The following CEP120 variants were observed in gnomAD, a reference collection of about 807,000 sequenced individuals.
CEP120 encodes the protein centrosomal protein 120.
CEP120 carries 113 observed loss-of-function variants against 126.5 expected under a neutral mutation model. That is an observed-to-expected ratio of 0.89 (90% CI 0.77 to 1.04). The LOEUF is 1.04. Ranked by LOEUF, CEP120 falls within the 50% of genes least tolerant of loss-of-function variation. CEP120 has a pLI of 0.00. For missense variants in CEP120, 1,230 were observed against 1,155.7 expected (o/e 1.06, Z -0.93); for synonymous variants, 400 against 394.3 (o/e 1.01, Z -0.17).
chr5:123,401,817 T>C (rs1174207572), intron 4 of CEP120: 32 of 1,406,694 alleles, frequency 2.3e-5, no homozygotes, highest in African/African-American at 2.8e-5. Context: ...ATACTTGTTC[T>C]TGAAGTCCTC....
At position 123,345,351 on chromosome 5, in the gene CEP120, A is replaced by C. The variant is rs896617567; in HGVS notation, c.*1168T>G. The C allele has an allele frequency of 6.6e-6, 1 of 152,156 alleles. No homozygotes were observed. The highest frequency in any genetic ancestry group is 2.4e-5 in the African/African-American group (1 of 41,460). 9.4% of individuals were successfully genotyped at this position (152,156 alleles called of 1,614,324 possible). On this transcript the variant is annotated 3_prime_UTR_variant, in exon 20 of 20. Coordinates refer to ENST00000306467, the MANE Select transcript of CEP120 (RefSeq NM_001375405.1). ...ACCTCATTTGAAATGACCGAAAATT[A>C]ATGTTACCATATATCCTACTCTGCT...
intron 17 of CEP120, 94 bp from the exon 18 acceptor site, chr5:123,364,688 G>C (rs773630303): frequency 1.3e-4 from 78 of 583,622 alleles, no homozygotes; most frequent in Non-Finnish European, 2.0e-4. Flanking sequence ...CTTAAGAAAA[G>C]AGTTTATACA....
intron 18 of CEP120, 106 bp from the exon 19 acceptor site, chr5:123,350,195 G>T: frequency 2.2e-6 from 2 of 925,972 alleles, no homozygotes; most frequent in Non-Finnish European, 3.1e-6. Flanking sequence ...CCATGATATA[G>T]CCACACACTG....
At chr5:123,365,571 TG>T (rs1770395920) in intron 17 of CEP120, among the ~76,000 whole-genome samples, 1 of 151,726 alleles carries the variant, frequency 6.6e-6, no homozygotes, top group African/African-American at 2.4e-5. Context: ...CAGTAATATA[TG>T]ACTACATGGA....
At chr5:123,401,471 C>T (rs1338584889) in intron 4 of CEP120, 1 of 1,275,232 alleles carries the variant, frequency 7.8e-7, no homozygotes, top group Non-Finnish European at 1.1e-6. Flanking sequence ...CCCAGCCAGA[C>T]TCTGCAGCTC....
At chr5:123,402,428 GT>G in intron 4 of CEP120, 2 of 1,117,246 alleles carry the variant, frequency 1.8e-6, no homozygotes, top group Non-Finnish European at 2.4e-6. Flanking sequence ...TCTGTTTTTT[GT>G]TTTTTATTGA....
At chr5:123,381,646 T>C (rs927259578) in intron 14 of CEP120, among the ~76,000 whole-genome samples, 3 of 152,164 alleles carry the variant, frequency 2.0e-5, no homozygotes, top group African/African-American at 7.2e-5. Context: ...TGAGGCATTC[T>C]ATTAACTTAC....
At position 123,350,077 on chromosome 5, in the gene CEP120, T is replaced by C; in HGVS notation, c.2593A>G (p.Ser865Gly). 6.2e-7 allele frequency: 1 copy of C among 1,610,722 alleles called. No individual in the cohort carries two copies. The highest frequency in any genetic ancestry group is 1.1e-5 in the South Asian group (1 of 90,104). The change falls in exon 19 of 20, where the codon AGT becomes GGT. Residue 865 changes from serine (S) to glycine (G), a missense_variant. Coordinates refer to ENST00000306467, the MANE Select transcript of CEP120 (RefSeq NM_001375405.1). ...LARLKQREQE[S>G]QMARLKKQQE... The stretch of plus-strand genomic sequence containing the variant: ...TGTTTTTTAAGACGAGCCATTTGAC[T>C]TTCTTGCTCCCTCTTGAAAGAAACA...
chr5:123,409,910 C>T (rs1469878979), intron 4 of CEP120, among the ~76,000 whole-genome samples: 52 of 148,292 alleles, frequency 3.5e-4, no homozygotes, highest in Admixed American at 9.5e-4. Flanking sequence ...AAGCCAAGAT[C>T]GCACCACTGC....
intron 17 of CEP120, among the ~76,000 whole-genome samples, chr5:123,366,939 C>A (rs1770507411): frequency 1.3e-5 from 2 of 151,832 alleles, no homozygotes; most frequent in South Asian, 4.1e-4. Flanking sequence ...GCCCAATTTA[C>A]TTCCTGAGGC....
intron 18 of CEP120, among the ~76,000 whole-genome samples, chr5:123,355,057 T>G (rs371095216): frequency 2.2e-4 from 34 of 151,912 alleles, no homozygotes; most frequent in East Asian, 1.6e-3. Context: ...GTCCTTGCAA[T>G]AGTTTGCTGA....
At chr5:123,377,290 T>TAAC in intron 16 of CEP120, 84 bp downstream of exon 16, 1 of 1,307,750 alleles carries the variant, frequency 7.6e-7, no homozygotes, top group South Asian at 1.4e-5. Flanking sequence ...ATTTTACCAC[T>TAAC]TTTTAGTAGT....
chr5:123,422,338 T>C, intron 1 of CEP120: 1 of 624,240 alleles, frequency 1.6e-6, no homozygotes, highest in Non-Finnish European at 2.8e-6. Flanking sequence ...GATGAATTAT[T>C]TGCTGACACA....
At chr5:123,355,034 T>G (rs1278405257) in intron 18 of CEP120, among the ~76,000 whole-genome samples, 1 of 145,820 alleles carries the variant, frequency 6.9e-6, no homozygotes, top group Non-Finnish European at 1.5e-5. Flanking sequence ...GAACATGCGG[T>G]GTTTGGTTTT....
chr5:123,393,326 A>C lies in CEP120; in HGVS notation c.784T>G (p.Tyr262Asp). 1 of 1,614,204 alleles carries C rather than the reference A, an allele frequency of 6.2e-7. No individual in the cohort carries two copies. The highest frequency in any genetic ancestry group is 8.5e-7 in the Non-Finnish European group (1 of 1,180,014). ...IRSSVEILRVYLALQSKLQIH... is the reference protein window; with the variant it reads ...IRSSVEILRVDLALQSKLQIH... The stretch of plus-strand genomic sequence containing the variant: ...TGCAGTTTAGACTGAAGAGCCAGGT[A>C]AACACGAAGAATTTCTACACTGCTA... The change falls in exon 6 of 20, where the codon TAC (tyrosine) becomes GAC (aspartate). Residue 262 changes from tyrosine to aspartate, a missense_variant. By Grantham distance (160) the Tyr-to-Asp change is radical (BLOSUM62 -3). Transcript: ENST00000306467.
intron 4 of CEP120, among the ~76,000 whole-genome samples, chr5:123,406,180 A>G (rs898481157): frequency 1.6e-4 from 2 of 12,290 alleles, no homozygotes; most frequent in South Asian, 1.7e-3. Context: ...GACTGGGGGA[A>G]AAAAAAAACC....
intron 3 of CEP120, among the ~76,000 whole-genome samples, chr5:123,414,903 C>CA (rs1774283282): frequency 7.4e-6 from 1 of 134,308 alleles, no homozygotes; most frequent in Non-Finnish European, 1.5e-5. Flanking sequence ...ACCCGGGAGT[C>CA]AGAGCTTGCA....
chr5:123,423,490 A>C (rs576927100), upstream of CEP120: 10 of 162,030 alleles, frequency 6.2e-5, no homozygotes, highest in Non-Finnish European at 1.4e-4. Flanking sequence ...CAGAGCCCTA[A>C]GGAGGACGCC....
chr5:123,357,510 G>A (rs1769729438), intron 18 of CEP120, among the ~76,000 whole-genome samples: 1 of 152,054 alleles, frequency 6.6e-6, no homozygotes, highest in African/African-American at 2.4e-5. Flanking sequence ...TCCAAAATCT[G>A]AATTACACTT....
Sources: gnomAD v4.1 joint callset for allele counts (sites outside exome capture counted in the v4.1 genomes callset) on GRCh38, gnomAD v4.1.1 for gene constraint, MANE v1.5 for transcripts, NCBI Gene and HGNC (gene_info 2026-07-23, HGNC 2026-07-21) for gene names.